Variants in VCAN observed in about 807,000 individuals in gnomAD.
VCAN encodes the protein versican core protein.
VCAN carries 44 observed loss-of-function variants against 245.5 expected under a neutral mutation model. The ratio of observed to expected loss-of-function variants is 0.18; its 90% CI spans 0.14 to 0.23. The LOEUF (loss-of-function observed/expected upper bound fraction) is 0.23. Among genes scored for constraint, VCAN ranks in the 10% least tolerant of loss-of-function variants. The pLI is 1.00. For missense variants in VCAN, 3,793 were observed against 4,057.9 expected, an observed-to-expected ratio of 0.93 and a Z score of 1.77; for synonymous variants, 1,413 against 1,437.0, an observed-to-expected ratio of 0.98 and a Z score of 0.38.
chr5:83,540,902 G>A lies in VCAN; in HGVS notation c.7899G>A (p.Glu2633=), dbSNP rs1412655011. The change falls in exon 8 of 15, where the codon GAG becomes GAA. Residue 2633 remains glutamate (E), a synonymous_variant. Coordinates refer to ENST00000265077, the MANE Select transcript of VCAN (RefSeq NM_004385.5). The part of the protein sequence containing the change: ...YEAAVNLSLT[E]ETFEGSADVL... ...CAGCTGTCAACCTTTCTTTAACTGA[G>A]GAAACATTTGAGGGCTCTGCTGATG... The A allele has an allele frequency of 1.9e-6, 3 of 1,613,824 alleles. No individual in the cohort carries two copies. The highest frequency in any genetic ancestry group is 1.7e-5 in the Admixed American group (1 of 59,966).
In VCAN at chr5:83,522,287, T is replaced by A; in HGVS notation, c.3981T>A (p.Ile1327=). 1 of 1,599,078 alleles carries A rather than the reference T, an allele frequency of 6.3e-7. No individual in the cohort carries two copies. Among genetic ancestry groups the A allele is most frequent in the Non-Finnish European group, 8.5e-7 (1 of 1,179,900 alleles). ...ACCCTGACATTAATGTTTATATTAT[T>A]GAGGTCAGAGAAAATAAGACAGGTA... ...KFHPDINVYI[I]EVRENKTGRM... The change falls in exon 7 of 15, where the codon ATT becomes ATA. Residue 1327 remains isoleucine, a synonymous_variant. Coordinates refer to ENST00000265077, the MANE Select transcript of VCAN (RefSeq NM_004385.5).
chr5:83,538,322 T>C lies in VCAN; in HGVS notation c.5319T>C (p.Phe1773=), dbSNP rs562434573. The change falls in exon 8 of 15, where the codon TTT becomes TTC. Residue 1773 remains phenylalanine, a synonymous_variant. Transcript: ENST00000265077. ...TSSDSGTRKS[F]MSLTTPTQSE... ...GTGATTCAGGTACCAGGAAAAGTTTTATGTCCTTGACAACACCAACACAGT... is the reference window on the plus strand; with the variant it reads ...GTGATTCAGGTACCAGGAAAAGTTTCATGTCCTTGACAACACCAACACAGT... The C allele has an allele frequency of 1.9e-6, 3 of 1,614,088 alleles. No individual in the cohort carries two copies. The highest frequency in any genetic ancestry group is 1.3e-5 in the African/African-American group (1 of 75,044).
At chr5:83,516,267 G>C (rs894318549) in intron 6 of VCAN, among the ~76,000 whole-genome samples, 3 of 151,950 alleles carry the variant, frequency 2.0e-5, no homozygotes, top group Non-Finnish European at 4.4e-5. Context: ...CTGGACTACA[G>C]AGCAAGACTC....
At chr5:83,472,418 C>G (rs1744229033) in intron 1 of VCAN, among the ~76,000 whole-genome samples, 2 of 152,078 alleles carry the variant, frequency 1.3e-5, no homozygotes. Context: ...TTAACACGCT[C>G]GAGGCAAAAG....
rs532781965 is a variant in VCAN at position 83,567,526 on chromosome 5, T to A, written c.9736-4890T>A. ...TATGTTGGCCAGGCTGGTCTCGAACTCCTGACCTCGTGATCCACCCGCCTC... is the reference window on the plus strand; with the variant it reads ...TATGTTGGCCAGGCTGGTCTCGAACACCTGACCTCGTGATCCACCCGCCTC... On this transcript the variant is annotated intron_variant, in intron 12 of 14. Transcript: ENST00000265077. Among the ~76,000 whole-genome samples the A allele has an allele frequency of 5.3e-4, 81 of 152,188 alleles. 2 individuals carry two copies. The South Asian group carries it at 0.013, about 24-fold the overall frequency.
chr5:83,532,664 TA>T (rs949497546), intron 7 of VCAN, among the ~76,000 whole-genome samples: 12 of 151,932 alleles, frequency 7.9e-5, no homozygotes, highest in Non-Finnish European at 1.0e-4. Flanking sequence ...AGGCTGCCTG[TA>T]ATGGTACCCC....
intron 13 of VCAN, among the ~76,000 whole-genome samples, chr5:83,579,319 A>G (rs1397997580): frequency 6.6e-6 from 1 of 152,116 alleles, no homozygotes; most frequent in Non-Finnish European, 1.5e-5. Context: ...GCTGGAGTGC[A>G]GTGGTGCAAT....
rs778827115 is a variant in VCAN, at chr5:83,474,849, G to GTTTTA, written c.-7+2846_-7+2850dup. On this transcript the variant is annotated intron_variant, in intron 1 of 14. Transcript: ENST00000265077. ...ACACTCTTATTAAAAGGCTATTTAA[G>GTTTTA]TTTTATTTTATTTTATTTTATTTTT... Among the ~76,000 whole-genome samples, 82 of 152,336 alleles carry GTTTTA rather than the reference G, an allele frequency of 5.4e-4. 1 individual carries two copies. Among genetic ancestry groups the GTTTTA allele is most frequent in the Admixed American group, 3.7e-3 (57 of 15,294 alleles).
chr5:83,564,027 A>G (rs563926632), intron 12 of VCAN, among the ~76,000 whole-genome samples: 90 of 152,288 alleles, frequency 5.9e-4, no homozygotes, highest in African/African-American at 2.0e-3. Flanking sequence ...TTTTAGACAG[A>G]AAGAAAATTC....
In VCAN at chr5:83,545,575, G is replaced by A. The variant is rs1405125242; in HGVS notation, c.9304G>A (p.Gly3102Ser). The A allele has an allele frequency of 5.0e-6, 8 of 1,614,014 alleles. No individual in the cohort carries two copies. Among genetic ancestry groups the A allele is most frequent in the Non-Finnish European group, 6.8e-6 (8 of 1,180,000 alleles). Reference protein sequence around the residue: ...RCKMNPCLNGGTCYPTETSYV... With the variant: ...RCKMNPCLNGSTCYPTETSYV... ...CAAAATGAACCCGTGCCTTAACGGAGGCACCTGTTATCCTACTGAAACTTC... is the reference window on the plus strand; with the variant it reads ...CAAAATGAACCCGTGCCTTAACGGAAGCACCTGTTATCCTACTGAAACTTC... Residue 3102 changes from glycine (G) to serine (S), a missense_variant, in exon 9 of 15, where the codon GGC becomes AGC. By Grantham distance (56) the Gly-to-Ser change is moderately conservative. Coordinates refer to ENST00000265077, the MANE Select transcript of VCAN (RefSeq NM_004385.5).
Position 83,539,642 on chromosome 5 carries a change from T to A in VCAN, c.6639T>A (p.Thr2213=). Reference sequence around the variant, plus strand: ...TTTTCTTAGCTACTGCATTAGTAACTGAATCTATACCAGCTGAACATGTAG... The same window carrying A: ...TTTTCTTAGCTACTGCATTAGTAACAGAATCTATACCAGCTGAACATGTAG... The part of the protein sequence containing the change: ...SHFFLATALV[T]ESIPAEHVVT... The change falls in exon 8 of 15, where the codon ACT becomes ACA. Residue 2213 remains threonine, a synonymous_variant. Transcript: ENST00000265077. 1 of 1,614,012 alleles carries A rather than the reference T, an allele frequency of 6.2e-7. No individual in the cohort carries two copies.
chr5:83,572,121 A>G (rs1484237767), intron 12 of VCAN, among the ~76,000 whole-genome samples: 1 of 152,200 alleles, frequency 6.6e-6, no homozygotes, highest in African/African-American at 2.4e-5. Flanking sequence ...TAATATGATG[A>G]AATTCCTAAA....
Position 83,521,632 on chromosome 5 carries a change from T to C in VCAN, c.3326T>C (p.Val1109Ala), listed in dbSNP as rs377631685. 3.7e-5 allele frequency: 60 copies of C among 1,613,808 alleles called. No homozygotes were observed. The African/African-American group carries it at 7.2e-4, about 19-fold the overall frequency. The change falls in exon 7 of 15, where the codon GTA becomes GCA. Residue 1109 changes from valine to alanine, a missense_variant. This residue lies in a region of VCAN where 3,182 missense variants were observed against 3,250.3 expected (regional missense o/e 0.98). Transcript: ENST00000265077. ...DHSVSYPPGA[V>A]TEHKVKTDEV... ...AGTGTGTCTTATCCACCAGGTGCTG[T>C]AACTGAGCACAAAGTGAAAACAGAT...
intron 7 of VCAN, among the ~76,000 whole-genome samples, chr5:83,525,635 C>T (rs2112419481): frequency 1.3e-5 from 2 of 152,218 alleles, no homozygotes; most frequent in East Asian, 1.9e-4. Context: ...TATTATGTGT[C>T]AGGCCTGCTT....
chr5:83,550,230 A>G (rs536158844), intron 10 of VCAN, among the ~76,000 whole-genome samples: 1 of 152,086 alleles, frequency 6.6e-6, no homozygotes, highest in Admixed American at 6.5e-5. Context: ...CAAAAGAATA[A>G]ATTTTTGGTG....
intron 1 of VCAN, among the ~76,000 whole-genome samples, chr5:83,472,314 T>G (rs938348111): frequency 3.3e-5 from 5 of 151,742 alleles, no homozygotes; most frequent in Non-Finnish European, 7.4e-5. Flanking sequence ...AGGGAGGGAA[T>G]AAATTGTAAA....
Position 83,521,765 on chromosome 5 carries a change from T to C in VCAN, c.3459T>C (p.Ser1153=), listed in dbSNP as rs1271912542. The C allele has an allele frequency of 1.2e-6, 2 of 1,614,224 alleles. No homozygotes were observed. The highest frequency in any genetic ancestry group is 1.7e-6 in the Non-Finnish European group (2 of 1,180,036). ...GTAGTACAACAGGATTTACATCATC[T>C]TTGAGTCCTTTTAGTACCCACATTA... is the stretch of plus-strand genomic sequence containing the variant. ...EGSSTTGFTS[S]LSPFSTHITQ... Residue 1153 remains serine (S), a synonymous_variant, in exon 7 of 15, where the codon TCT becomes TCC. Coordinates refer to ENST00000265077, the MANE Select transcript of VCAN (RefSeq NM_004385.5).
At chr5:83,481,885 G>T (rs1744626171) in intron 1 of VCAN, among the ~76,000 whole-genome samples, 1 of 152,098 alleles carries the variant, frequency 6.6e-6, no homozygotes, top group African/African-American at 2.4e-5. Context: ...TTATGTTCAA[G>T]ATCAGTTTTG....
At chr5:83,551,774 C>A (rs1414351429) in intron 10 of VCAN, among the ~76,000 whole-genome samples, 1 of 151,956 alleles carries the variant, frequency 6.6e-6, no homozygotes, top group Non-Finnish European at 1.5e-5. Flanking sequence ...TAAACTAACC[C>A]CCTCATATAG....
Sources: gnomAD v4.1 joint callset for allele counts (sites outside exome capture counted in the v4.1 genomes callset) on GRCh38, gnomAD v4.1.1 for gene constraint, gnomAD v4.1.1 regional missense constraint, MANE v1.5 for transcripts, NCBI Gene and HGNC (gene_info 2026-07-23, HGNC 2026-07-21) for gene names.